CELF2: variants seen among roughly 807,000 people sequenced by gnomAD.
CELF2 encodes CUGBP Elav-like family member 2.
CELF2 carries 8 observed loss-of-function variants against 62.6 expected under a neutral mutation model. The ratio of observed to expected loss-of-function variants is 0.13; its 90% CI spans 0.07 to 0.23. The LOEUF (loss-of-function observed/expected upper bound fraction) is 0.23. Ranked by LOEUF, CELF2 falls within the 10% of genes least tolerant of loss-of-function variation. The pLI is 1.00. For synonymous variants in CELF2, 258 were observed against 250.0 expected (o/e 1.03, Z -0.30); for missense variants, 333 against 671.0 (o/e 0.50, Z 5.56).
intron 9 of CELF2, among the ~76,000 whole-genome samples, chr10:11,310,335 C>CT (rs2094495716): frequency 1.3e-5 from 2 of 152,280 alleles, no homozygotes; most frequent in South Asian, 4.1e-4. Context: ...GTAGAGCTTC[C>CT]TTTATGCTGA....
At chr10:10,578,567 C>T in the CELF2 span, among the ~76,000 whole-genome samples, 13 of 151,978 alleles carry the variant, frequency 8.6e-5, no homozygotes, top group African/African-American at 2.2e-4. Flanking sequence ...CCTCTGTTAT[C>T]GTATATCAGA....
chr10:11,089,117 A>G (rs541918156), intron 1 of CELF2, among the ~76,000 whole-genome samples: 3 of 152,296 alleles, frequency 2.0e-5, no homozygotes, highest in East Asian at 1.9e-4. Flanking sequence ...TTTGGTGACA[A>G]GAGTCCTAAG....
the CELF2 span, among the ~76,000 whole-genome samples, chr10:10,771,564 A>G: frequency 6.6e-6 from 1 of 152,196 alleles, no homozygotes. Flanking sequence ...GTGAGAGATA[A>G]TTGAATCACT....
chr10:10,904,441 G>A (rs527679971), intron 1 of CELF2, among the ~76,000 whole-genome samples: 6 of 151,816 alleles, frequency 4.0e-5, no homozygotes, highest in African/African-American at 9.7e-5. Flanking sequence ...TATGTTGCCC[G>A]GGCTGGTCAT....
chr10:11,229,718 T>G (rs934669378), intron 3 of CELF2, among the ~76,000 whole-genome samples: 1 of 152,080 alleles, frequency 6.6e-6, no homozygotes, highest in African/African-American at 2.4e-5. Context: ...GCCTCCCAAG[T>G]AGCTGGGATT....
chr10:11,152,447 A>G (rs2063518924), intron 1 of CELF2, among the ~76,000 whole-genome samples: 2 of 152,210 alleles, frequency 1.3e-5, no homozygotes, highest in Admixed American at 1.3e-4. Flanking sequence ...AGATTAAATA[A>G]TGGGACTATA....
rs185573380 is a variant in CELF2, at chr10:11,150,325, G to A, written c.75-15161G>A. 1.5e-3 allele frequency among the ~76,000 whole-genome samples: 234 copies of A among 152,328 alleles called. 1 individual carries two copies. Among genetic ancestry groups the A allele is most frequent in the Middle Eastern group, 6.8e-3 (2 of 294 alleles). On this transcript the variant is annotated intron_variant, in intron 1 of 12. Transcript: ENST00000633077. ...TGTGACGCCCCTCCCAGCATAGCAA[G>A]TGTGTGCACTGCTATCTAAACATGA...
intron 8 of CELF2, among the ~76,000 whole-genome samples, chr10:11,287,483 T>C (rs1271602503): frequency 1.3e-5 from 2 of 152,244 alleles, no homozygotes; most frequent in South Asian, 2.1e-4. Flanking sequence ...CCCACTCTTA[T>C]CTTCATGCTA....
At chr10:10,490,565 G>A in the CELF2 span, among the ~76,000 whole-genome samples, 1 of 104,896 alleles carries the variant, frequency 9.5e-6, no homozygotes, top group Admixed American at 1.1e-4. Flanking sequence ...TAATCTATCT[G>A]GTTGGGGGGG....
At chr10:10,638,539 G>T in the CELF2 span, among the ~76,000 whole-genome samples, 1 of 152,112 alleles carries the variant, frequency 6.6e-6, no homozygotes, top group Non-Finnish European at 1.5e-5. Context: ...GAATGAAAAG[G>T]AAACATTGTA....
intron 1 of CELF2, chr10:11,092,263 C>T (rs909563535): frequency 5.9e-5 from 9 of 152,158 alleles, no homozygotes; most frequent in South Asian, 2.1e-4. Context: ...CTTTTAAACA[C>T]GTTTTAAGAA....
chr10:10,534,710 T>C, the CELF2 span, among the ~76,000 whole-genome samples: 28 of 152,340 alleles, frequency 1.8e-4, no homozygotes, highest in South Asian at 5.8e-3. Flanking sequence ...GATTCACTTT[T>C]AAGAAATAGT....
upstream of CELF2, among the ~76,000 whole-genome samples, chr10:10,795,284 T>C (rs1383287602): frequency 1.3e-5 from 2 of 151,352 alleles, no homozygotes; most frequent in African/African-American, 4.9e-5. Context: ...GAGAGGTGAC[T>C]CTTTAAGAAT....
chr10:11,256,664 T>TAAAAAAAA lies in CELF2; in HGVS notation c.404-1074_404-1073insAAAAAAAA. ...CTCCCCGTGGGTGTCTGTGATGTCC[T>TAAAAAAAA]TAAAAAAAAAAAAAAAAAAGGCACC... is the stretch of plus-strand genomic sequence containing the variant. On this transcript the variant is annotated intron_variant, in intron 4 of 12. Coordinates refer to ENST00000633077, the MANE Select transcript of CELF2 (RefSeq NM_001326342.2). Among the ~76,000 whole-genome samples the TAAAAAAAA allele has an allele frequency of 2.8e-5, 2 of 71,746 alleles. 1 individual carries two copies. 47.1% of individuals were successfully genotyped at this position (71,746 alleles called of 152,430 possible).
At position 11,156,217 on chromosome 10, in the gene CELF2, A is replaced by C. The variant is rs1246652930; in HGVS notation, c.75-9269A>C. Among the ~76,000 whole-genome samples, 1 of 152,210 alleles carries C rather than the reference A, an allele frequency of 6.6e-6. No individual in the cohort carries two copies. Among genetic ancestry groups the C allele is most frequent in the Non-Finnish European group, 1.5e-5 (1 of 68,038 alleles). ...AATAGGCATGACTCAGTAACTGACT[A>C]GTAATAGGTGTGTTGACTCTCGGAT... On this transcript the variant is annotated intron_variant, in intron 1 of 12. Transcript: ENST00000633077. The surrounding 1 kb of genome is among the most constrained non-coding windows in gnomAD (Gnocchi z 4.3).
the CELF2 span, among the ~76,000 whole-genome samples, chr10:10,729,686 C>T: frequency 2.6e-5 from 4 of 151,172 alleles, no homozygotes; most frequent in South Asian, 2.1e-4. Flanking sequence ...GGCTGAGGCA[C>T]AAGAATTGCT....
the CELF2 span, among the ~76,000 whole-genome samples, chr10:10,475,221 A>T: frequency 6.6e-6 from 1 of 152,034 alleles, no homozygotes; most frequent in Non-Finnish European, 1.5e-5. Flanking sequence ...GAGGGCAGTT[A>T]TTACATCCTC....
intron 2 of CELF2, among the ~76,000 whole-genome samples, chr10:11,170,351 C>A (rs1251505913): frequency 6.6e-6 from 1 of 152,066 alleles, no homozygotes. Context: ...TTCTGAAGTC[C>A]CAATGAATTG....
intron 8 of CELF2, among the ~76,000 whole-genome samples, chr10:11,278,095 A>G (rs2086813006): frequency 6.6e-6 from 1 of 152,256 alleles, no homozygotes; most frequent in Non-Finnish European, 1.5e-5. Flanking sequence ...TTTCAGCTTC[A>G]GGAGAAAATA....
Sources: allele counts gnomAD v4.1 joint callset (sites outside exome capture counted in the v4.1 genomes callset), GRCh38; gene constraint gnomAD v4.1.1; non-coding constraint Gnocchi (gnomAD v3.1); transcripts MANE v1.5; gene names NCBI Gene and HGNC (gene_info 2026-07-23, HGNC 2026-07-21).